The following ALDH8A1 variants were observed in gnomAD, a reference collection of about 807,000 sequenced individuals.
ALDH8A1 encodes aldehyde dehydrogenase 8 family member A1, also known as 2-aminomuconic semialdehyde dehydrogenase.
In ALDH8A1, 39 loss-of-function variants were observed where a neutral mutation model predicts 43.3. The ratio of observed to expected loss-of-function variants is 0.90; its 90% CI spans 0.70 to 1.18. The LOEUF is 1.18. Ranked by LOEUF, ALDH8A1 falls within the 50% of genes most tolerant of loss-of-function variation. The pLI, the probability that ALDH8A1 is intolerant of heterozygous loss-of-function variation, is 0.00. For missense variants in ALDH8A1, 605 were observed against 622.6 expected, an observed-to-expected ratio of 0.97 and a Z score of 0.30; for synonymous variants, 233 against 243.5, an observed-to-expected ratio of 0.96 and a Z score of 0.40.
intron 4 of ALDH8A1, among the ~76,000 whole-genome samples, chr6:134,938,670 C>T (rs796191215): frequency 2.0e-5 from 3 of 151,738 alleles, no homozygotes; most frequent in African/African-American, 4.8e-5. Flanking sequence ...TTTTTTGAGA[C>T]GGAGTCTCAC....
At chr6:134,929,961 A>G (rs1019768612) in intron 5 of ALDH8A1, among the ~76,000 whole-genome samples, 2 of 152,212 alleles carry the variant, frequency 1.3e-5, no homozygotes, top group African/African-American at 4.8e-5. Flanking sequence ...CCAGAAGTCC[A>G]GATGCGTGTA....
rs554839686 is a variant in ALDH8A1, at chr6:134,923,652, ATG to A, written c.1012-4787_1012-4786del. Among the ~76,000 whole-genome samples the A allele has an allele frequency of 2.7e-4, 41 of 152,352 alleles. 1 individual carries two copies. Among genetic ancestry groups the A allele is most frequent in the African/African-American group, 8.7e-4 (36 of 41,584 alleles). Reference sequence around the variant, plus strand: ...GATACGTCCAGGAGAAGCTGGCACCATGTCTAGGGCTTTGCCAATATTTCAAG... The same window carrying A: ...GATACGTCCAGGAGAAGCTGGCACCATCTAGGGCTTTGCCAATATTTCAAG... On this transcript the variant is annotated intron_variant, in intron 6 of 6. Coordinates refer to ENST00000265605, the MANE Select transcript of ALDH8A1 (RefSeq NM_022568.4).
chr6:134,933,822 C>T (rs1336922482), intron 4 of ALDH8A1, among the ~76,000 whole-genome samples: 2 of 152,172 alleles, frequency 1.3e-5, no homozygotes, highest in Non-Finnish European at 2.9e-5. Context: ...GATTCTCCTG[C>T]CTCAGCCTCC....
intron 1 of ALDH8A1, among the ~76,000 whole-genome samples, chr6:134,946,773 C>T (rs915677802): frequency 7.4e-5 from 11 of 149,602 alleles, no homozygotes; most frequent in Non-Finnish European, 1.5e-5. Flanking sequence ...CACAGGTGCG[C>T]ATGTGTGCGC....
intron 6 of ALDH8A1, among the ~76,000 whole-genome samples, chr6:134,923,133 C>T (rs1242358199): frequency 6.6e-6 from 1 of 151,994 alleles, no homozygotes; most frequent in African/African-American, 2.4e-5. Flanking sequence ...TTCAGGTGAT[C>T]CTCCTGCCTC....
intron 4 of ALDH8A1, among the ~76,000 whole-genome samples, chr6:134,933,799 C>G (rs1306661547): frequency 1.3e-5 from 2 of 152,154 alleles, no homozygotes; most frequent in Non-Finnish European, 2.9e-5. Context: ...ACCTCTGCCT[C>G]CCAGGTTCAA....
chr6:134,948,798 A>G (rs1401779424), intron 1 of ALDH8A1, among the ~76,000 whole-genome samples: 2 of 152,206 alleles, frequency 1.3e-5, no homozygotes, highest in African/African-American at 2.4e-5. Context: ...CTAAAAAGTT[A>G]TGAGCCATTA....
rs150188018 is a variant in ALDH8A1 at position 134,932,930 on chromosome 6, C to T, written c.695G>A (p.Ser232Asn). 5.6e-6 allele frequency: 9 copies of T among 1,614,020 alleles called. 1 individual carries two copies. The African/African-American group carries it at 1.2e-4, about 22-fold the overall frequency. Residue 232 changes from serine to asparagine, a missense_variant, in exon 5 of 7, where the codon AGC becomes AAC. Physicochemically the swap from Ser to Asn is conservative, Grantham distance 46. Transcript: ENST00000265605. ...GGTGATCCGCTCAGCGGTGGGCTGG[C>T]TCCCGGTGAAGGAGATCAGGGGCAC... ...PEVPLISFTG[S>N]QPTAERITQL...
chr6:134,925,513 CA>C (rs1454687139), intron 6 of ALDH8A1, among the ~76,000 whole-genome samples: 3 of 152,104 alleles, frequency 2.0e-5, no homozygotes, highest in African/African-American at 4.8e-5. Context: ...AAAAAGAATT[CA>C]AGGAAAATGG....
intron 6 of ALDH8A1, among the ~76,000 whole-genome samples, chr6:134,926,202 C>CTTTTTTT (rs749949919): frequency 1.1e-4 from 10 of 93,738 alleles, no homozygotes; most frequent in East Asian, 3.0e-4. Flanking sequence ...CAGGACCCTT[C>CTTTTTTT]TTTTTTTTTT....
intron 6 of ALDH8A1, among the ~76,000 whole-genome samples, chr6:134,922,121 TGG>T (rs1050797920): frequency 3.4e-4 from 52 of 152,186 alleles, no homozygotes; most frequent in African/African-American, 1.2e-3. Flanking sequence ...CACAGGAACA[TGG>T]GGTCAGCAGC....
intron 3 of ALDH8A1, chr6:134,940,066 C>T: frequency 4.6e-6 from 1 of 219,732 alleles, no homozygotes; most frequent in Non-Finnish European, 9.5e-6. Flanking sequence ...CACAGCAGGC[C>T]CTGTCAGGGG....
chr6:134,920,636 T>C (rs950539397), intron 6 of ALDH8A1, among the ~76,000 whole-genome samples: 1 of 152,218 alleles, frequency 6.6e-6, no homozygotes, highest in Non-Finnish European at 1.5e-5. Context: ...TATCAAAACA[T>C]TTAATATATA....
In ALDH8A1 at chr6:134,929,051, TA is replaced by T; in HGVS notation, c.1011+2del. On this transcript the variant is annotated splice_donor_variant, in intron 6 of 6. Coordinates refer to ENST00000265605, the MANE Select transcript of ALDH8A1 (RefSeq NM_022568.4). LOFTEE classifies it high-confidence loss of function. Reference sequence around the variant, plus strand: ...GTAACTTACATGGCAGAAATTTACTTACTTTCTCCAAATGTGCTTTACTTAT... The same window carrying T: ...GTAACTTACATGGCAGAAATTTACTTCTTTCTCCAAATGTGCTTTACTTAT... 2.5e-6 allele frequency: 4 copies of T among 1,613,260 alleles called. No homozygotes were observed. Among genetic ancestry groups the T allele is most frequent in the Non-Finnish European group, 3.4e-6 (4 of 1,179,708 alleles).
At chr6:134,921,921 T>C (rs890887748) in intron 6 of ALDH8A1, among the ~76,000 whole-genome samples, 3 of 152,216 alleles carry the variant, frequency 2.0e-5, no homozygotes, top group Non-Finnish European at 4.4e-5. Flanking sequence ...AACATTTCTC[T>C]AGGCGTTTCT....
rs191387556 is a variant in ALDH8A1, at chr6:134,945,448, T to C, written c.139-1482A>G. Among the ~76,000 whole-genome samples, 587 of 152,220 alleles carry C rather than the reference T, an allele frequency of 3.9e-3. 3 individuals carry two copies. The highest frequency in any genetic ancestry group is 0.013 in the African/African-American group (528 of 41,522). On this transcript the variant is annotated intron_variant, in intron 1 of 6. Transcript: ENST00000265605. ...GAGTTACATACAAAAGGAAACAATA[T>C]ATGTATGGGAAGGTATGGGCAGGGT...
chr6:134,930,039 G>C (rs1776956624), intron 5 of ALDH8A1, among the ~76,000 whole-genome samples: 1 of 152,218 alleles, frequency 6.6e-6, no homozygotes. Context: ...GAGTTCAACA[G>C]ATTCTTCCAG....
rs527897039 is a variant in ALDH8A1, at chr6:134,929,316, G to A, written c.850-101C>T. 7.7e-5 allele frequency: 97 copies of A among 1,260,558 alleles called. No individual in the cohort carries two copies. In the African/African-American group the frequency reaches 1.4e-3, roughly 19 times the overall value. The allele number at this position is 1,260,558 out of a possible 1,614,324, so 78.1% of individuals were successfully genotyped here. The stretch of plus-strand genomic sequence containing the variant: ...CTGCCATGTATCAGGCACTGGTCTA[G>A]GCAATGGGGTACAATGGTAAATAAG... On this transcript the variant is annotated intron_variant, in intron 5 of 6. Coordinates refer to ENST00000265605, the MANE Select transcript of ALDH8A1 (RefSeq NM_022568.4).
chr6:134,949,896 C>G lies in ALDH8A1; in HGVS notation c.138+20G>C, dbSNP rs1774013839. ...AACATATTAAACACATTTCAGTCTT[C>G]TTTAAGTGCATATACTCACCTCGTC... On this transcript the variant is annotated intron_variant, in intron 1 of 6. Transcript: ENST00000265605. The G allele has an allele frequency of 1.3e-6, 2 of 1,547,564 alleles. No homozygotes were observed. Among genetic ancestry groups the G allele is most frequent in the South Asian group, 2.6e-5 (2 of 77,608 alleles).
Sources: allele counts gnomAD v4.1 joint callset (sites outside exome capture counted in the v4.1 genomes callset), GRCh38; gene constraint gnomAD v4.1.1; transcripts MANE v1.5; gene names NCBI Gene and HGNC (gene_info 2026-07-23, HGNC 2026-07-21).